Variants in PLCB4 observed in about 807,000 individuals in gnomAD.
PLCB4 encodes the protein 1-phosphatidylinositol 4,5-bisphosphate phosphodiesterase beta-4.
In PLCB4, 77 loss-of-function variants were observed where a neutral mutation model predicts 178.8. The ratio of observed to expected loss-of-function variants is 0.43; its 90% CI spans 0.36 to 0.52. PLCB4 has a LOEUF of 0.52. PLCB4 is among the 20% of genes least tolerant of loss of function. The probability of loss-of-function intolerance (pLI) is 0.00; values close to 1 mark genes in which losing one functional copy is unlikely to be tolerated. For missense variants in PLCB4, 1,024 were observed against 1,453.4 expected, an observed-to-expected ratio of 0.70 and a Z score of 4.80; for synonymous variants, 496 against 490.8, an observed-to-expected ratio of 1.01 and a Z score of -0.14.
chr20:9,334,901 G>T (rs765004226), intron 4 of PLCB4, among the ~76,000 whole-genome samples: 1 of 152,062 alleles, frequency 6.6e-6, no homozygotes, highest in East Asian at 1.9e-4. Flanking sequence ...GGGTACTCAG[G>T]GGGGAAGGAA....
At chr20:9,203,787 T>G (rs2093580799) in intron 2 of PLCB4, among the ~76,000 whole-genome samples, 1 of 136,630 alleles carries the variant, frequency 7.3e-6, no homozygotes, top group Admixed American at 6.9e-5. Flanking sequence ...GTTTTTTTTT[T>G]TTTTTTTTTT....
chr20:9,369,885 C>T (rs761507441), intron 9 of PLCB4, among the ~76,000 whole-genome samples: 19 of 152,220 alleles, frequency 1.2e-4, no homozygotes, highest in Admixed American at 3.3e-4. Context: ...ACAGGGGAGG[C>T]ATTCCAAAGC....
rs1019426532 is a variant in PLCB4 at position 9,479,288 on chromosome 20, A to C, written c.*279A>C. ...TTAAACATGTTTGCTATAAAATACC[A>C]TCACAAGTAAATGAGCTTGGTGTGA... On this transcript the variant is annotated 3_prime_UTR_variant, in exon 40 of 40. Coordinates refer to ENST00000378473, the MANE Select transcript of PLCB4 (RefSeq NM_001377142.1). 4.9e-6 allele frequency: 2 copies of C among 404,856 alleles called. No individual in the cohort carries two copies. The highest frequency in any genetic ancestry group is 9.1e-6 in the Non-Finnish European group (2 of 220,658). The allele number at this position is 404,856 out of a possible 1,614,324, so 25.1% of individuals were successfully genotyped here. A position where few individuals can be genotyped will look rare whatever the true frequency, so the allele number is the denominator to read the frequency against.
At chr20:9,293,622 T>TATTCGTTCATTCATTC (rs1555778692) in intron 3 of PLCB4, among the ~76,000 whole-genome samples, 1 of 150,748 alleles carries the variant, frequency 6.6e-6, no homozygotes, top group Non-Finnish European at 1.5e-5. Context: ...CAGAGTAAAA[T>TATTCGTTCATTCATTC]ATTCATTCAT....
At chr20:9,224,699 C>A (rs1379347101) in intron 3 of PLCB4, among the ~76,000 whole-genome samples, 1 of 152,142 alleles carries the variant, frequency 6.6e-6, no homozygotes, top group Non-Finnish European at 1.5e-5. Context: ...TTCTCCTTTG[C>A]TCTGTCTCTT....
intron 3 of PLCB4, among the ~76,000 whole-genome samples, chr20:9,257,716 C>T (rs2094251601): frequency 6.6e-6 from 1 of 152,114 alleles, no homozygotes; most frequent in African/African-American, 2.4e-5. Context: ...AGATCTTTCA[C>T]TAACAGGACT....
intron 33 of PLCB4, among the ~76,000 whole-genome samples, chr20:9,455,095 T>C (rs1433449882): frequency 1.3e-5 from 2 of 152,346 alleles, no homozygotes; most frequent in African/African-American, 4.8e-5. Context: ...GGCCTATTTC[T>C]TTTTTGTAAA....
At chr20:9,225,886 C>G (rs1176658069) in intron 3 of PLCB4, among the ~76,000 whole-genome samples, 4 of 152,162 alleles carry the variant, frequency 2.6e-5, no homozygotes, top group Admixed American at 2.6e-4. Flanking sequence ...TTTTACTTTT[C>G]TGAAATGAAA....
intron 3 of PLCB4, among the ~76,000 whole-genome samples, chr20:9,251,489 T>C (rs989718257): frequency 6.6e-6 from 1 of 152,312 alleles, no homozygotes; most frequent in Non-Finnish European, 1.5e-5. Context: ...TATTGGCAAC[T>C]CGGTAGTGGC....
At chr20:9,343,004 A>G (rs991868178) in intron 7 of PLCB4, among the ~76,000 whole-genome samples, 5 of 152,194 alleles carry the variant, frequency 3.3e-5, no homozygotes, top group Admixed American at 6.5e-5. Flanking sequence ...GTAGACATGT[A>G]AGGTGAGAGT....
chr20:9,128,342 T>C lies in PLCB4; in HGVS notation c.-79+32000T>C, dbSNP rs554514867. ...GCAGAACTATGAGCCAATTAAACCTTTCTTTATAAATTACCCAACTTCAGG... is the reference window on the plus strand; with the variant it reads ...GCAGAACTATGAGCCAATTAAACCTCTCTTTATAAATTACCCAACTTCAGG... On this transcript the variant is annotated intron_variant, in intron 2 of 39. Coordinates refer to ENST00000378473, the MANE Select transcript of PLCB4 (RefSeq NM_001377142.1). 6.6e-5 allele frequency among the ~76,000 whole-genome samples: 10 copies of C among 152,298 alleles called. No homozygotes were observed. In the South Asian group the frequency reaches 1.9e-3, roughly 28 times the overall value.
intron 3 of PLCB4, among the ~76,000 whole-genome samples, chr20:9,243,046 T>C (rs2094083694): frequency 6.6e-6 from 1 of 152,226 alleles, no homozygotes; most frequent in Non-Finnish European, 1.5e-5. Flanking sequence ...TTTTTTAGTG[T>C]AAGTATGTTC....
At chr20:9,271,667 T>C (rs929419714) in intron 3 of PLCB4, among the ~76,000 whole-genome samples, 9 of 152,146 alleles carry the variant, frequency 5.9e-5, no homozygotes, top group Non-Finnish European at 1.0e-4. Context: ...TAATACATCC[T>C]GCATAAAATG....
chr20:9,397,972 G>A (rs899925721), intron 19 of PLCB4, among the ~76,000 whole-genome samples: 2 of 152,118 alleles, frequency 1.3e-5, no homozygotes, highest in Non-Finnish European at 2.9e-5. Context: ...GGGTTATCCC[G>A]GACGGCTTAC....
At chr20:9,415,047 G>A (rs1244421982) in intron 25 of PLCB4, among the ~76,000 whole-genome samples, 1 of 152,106 alleles carries the variant, frequency 6.6e-6, no homozygotes, top group South Asian at 2.1e-4. Context: ...TATAAATTAG[G>A]CATAGTAAGA....
At chr20:9,195,652 C>T (rs1421381736) in intron 2 of PLCB4, among the ~76,000 whole-genome samples, 2 of 152,118 alleles carry the variant, frequency 1.3e-5, no homozygotes, top group African/African-American at 4.8e-5. Flanking sequence ...AGGCTGGGAT[C>T]CCATCAATCC....
chr20:9,338,476 T>C (rs2032779905), intron 6 of PLCB4, among the ~76,000 whole-genome samples: 1 of 152,076 alleles, frequency 6.6e-6, no homozygotes, highest in African/African-American at 2.4e-5. Flanking sequence ...GCCCAGGAGT[T>C]TGAGACCAGC....
At chr20:9,246,214 A>G (rs571674055) in intron 3 of PLCB4, among the ~76,000 whole-genome samples, 1 of 152,024 alleles carries the variant, frequency 6.6e-6, no homozygotes, top group South Asian at 2.1e-4. Context: ...GTTATTGACA[A>G]TTCCTTCCAT....
rs777049888 is a variant in PLCB4, at chr20:9,287,707, A to G, written c.-15-20093A>G. On this transcript the variant is annotated intron_variant, in intron 3 of 39. Transcript: ENST00000378473. ...GTATGCTAAGATAGATTTTAATATT[A>G]CAGAAATGCAATAGTGACCTTTCCA... Among the ~76,000 whole-genome samples, 8 of 152,214 alleles carry G rather than the reference A, an allele frequency of 5.3e-5. No homozygotes were observed. The East Asian group carries it at 1.4e-3, about 26-fold the overall frequency.
Sources: gnomAD v4.1 joint callset for allele counts (sites outside exome capture counted in the v4.1 genomes callset) on GRCh38, gnomAD v4.1.1 for gene constraint, MANE v1.5 for transcripts, NCBI Gene and HGNC (gene_info 2026-07-23, HGNC 2026-07-21) for gene names.